TAFA2: variants seen among roughly 807,000 people sequenced by gnomAD.
TAFA2 encodes chemokine-like protein TAFA-2.
TAFA2 carries 7 observed loss-of-function variants against 18.8 expected under a neutral mutation model. The observed-to-expected ratio is 0.37, with a 90% CI of 0.21 to 0.70. The LOEUF is 0.70. Ranked by LOEUF, TAFA2 falls within the 30% of genes least tolerant of loss-of-function variation. The probability of loss-of-function intolerance (pLI) is 0.53; values close to 1 mark genes in which losing one functional copy is unlikely to be tolerated. For missense variants in TAFA2, 122 were observed against 158.1 expected, an observed-to-expected ratio of 0.77 and a Z score of 1.23; for synonymous variants, 60 against 54.2, an observed-to-expected ratio of 1.11 and a Z score of -0.47.
rs942477960 is a variant in TAFA2, at chr12:61,944,248, G to A, written c.-1-76822C>T. Among the ~76,000 whole-genome samples the A allele has an allele frequency of 2.9e-4, 44 of 150,680 alleles. No individual in the cohort carries two copies. In the South Asian group the frequency reaches 7.0e-3, roughly 24 times the overall value. Reference sequence around the variant, plus strand: ...GAAGGCAGAAATAAAGATGTTCTTTGAAACCAACGAGAACAAAGACACAAC... The same window carrying A: ...GAAGGCAGAAATAAAGATGTTCTTTAAAACCAACGAGAACAAAGACACAAC... On this transcript the variant is annotated intron_variant, in intron 1 of 4. Transcript: ENST00000416284.
At chr12:62,129,828 A>G (rs114651494) in intron 1 of TAFA2, among the ~76,000 whole-genome samples, 107 of 152,046 alleles carry the variant, frequency 7.0e-4, no homozygotes, top group African/African-American at 2.3e-3. Context: ...GGCATTACCA[A>G]ATGTCCGCTA....
intron 1 of TAFA2, among the ~76,000 whole-genome samples, chr12:62,106,387 C>T (rs1476701153): frequency 1.3e-5 from 2 of 151,742 alleles, no homozygotes; most frequent in African/African-American, 4.8e-5. Context: ...CAAAAACAAA[C>T]GAACAAACAA....
intron 1 of TAFA2, among the ~76,000 whole-genome samples, chr12:61,964,898 ATAAT>A (rs1270792074): frequency 4.0e-5 from 6 of 151,818 alleles, no homozygotes; most frequent in Admixed American, 1.3e-4. Flanking sequence ...ATGTAACTAA[ATAAT>A]TATTTATTTA....
At chr12:62,070,887 G>C (rs1882613613) in intron 1 of TAFA2, among the ~76,000 whole-genome samples, 1 of 151,962 alleles carries the variant, frequency 6.6e-6, no homozygotes, top group African/African-American at 2.4e-5. Flanking sequence ...TGTTTCAGCT[G>C]CACCAAATTT....
chr12:61,927,127 C>G (rs1197409887), intron 1 of TAFA2, among the ~76,000 whole-genome samples: 1 of 149,594 alleles, frequency 6.7e-6, no homozygotes, highest in African/African-American at 2.5e-5. Flanking sequence ...CCTCTTTCAC[C>G]ACTCCTATTC....
chr12:62,160,658 C>T (rs948669468), intron 1 of TAFA2, among the ~76,000 whole-genome samples: 1 of 152,196 alleles, frequency 6.6e-6, no homozygotes, highest in Non-Finnish European at 1.5e-5. Flanking sequence ...ACTTCCTCAA[C>T]ATGATCACCT....
chr12:62,040,365 C>G (rs1369096062), intron 1 of TAFA2, among the ~76,000 whole-genome samples: 1 of 152,068 alleles, frequency 6.6e-6, no homozygotes, highest in Non-Finnish European at 1.5e-5. Context: ...ACCTCAGAAT[C>G]TGACCTTATT....
intron 4 of TAFA2, among the ~76,000 whole-genome samples, chr12:61,732,056 G>A (rs1870475329): frequency 6.6e-6 from 1 of 152,080 alleles, no homozygotes; most frequent in Non-Finnish European, 1.5e-5. Context: ...GAAGAATTAA[G>A]TCGAGAGAAA....
chr12:61,894,127 A>G (rs189669072), intron 1 of TAFA2, among the ~76,000 whole-genome samples: 1 of 152,320 alleles, frequency 6.6e-6, no homozygotes, highest in African/African-American at 2.4e-5. Context: ...ACTGCTTTTG[A>G]ATAGTATTTA....
chr12:61,966,082 A>G (rs2136659342), intron 1 of TAFA2, among the ~76,000 whole-genome samples: 1 of 151,960 alleles, frequency 6.6e-6, no homozygotes, highest in South Asian at 2.1e-4. Context: ...GAACTGCCAT[A>G]CTATTTTCCA....
intron 1 of TAFA2, among the ~76,000 whole-genome samples, chr12:62,010,896 G>C (rs1880729690): frequency 8.6e-6 from 1 of 116,814 alleles, no homozygotes; most frequent in African/African-American, 3.3e-5. Flanking sequence ...GGGAGGTGGG[G>C]AGCGCCTCTG....
intron 2 of TAFA2, among the ~76,000 whole-genome samples, chr12:61,858,718 G>A (rs1433863066): frequency 6.6e-6 from 1 of 151,566 alleles, no homozygotes; most frequent in Non-Finnish European, 1.5e-5. Context: ...AATTGACTAA[G>A]TGTTTATCAT....
At chr12:61,901,535 C>T (rs937500442) in intron 1 of TAFA2, among the ~76,000 whole-genome samples, 1 of 151,658 alleles carries the variant, frequency 6.6e-6, no homozygotes, top group Non-Finnish European at 1.5e-5. Context: ...TCTGATGAAA[C>T]AAATATATGG....
intron 2 of TAFA2, among the ~76,000 whole-genome samples, chr12:61,839,553 T>C (rs1450270671): frequency 1.3e-5 from 2 of 152,094 alleles, no homozygotes; most frequent in Admixed American, 6.6e-5. Flanking sequence ...ATACACACGA[T>C]GGAATACTAG....
intron 4 of TAFA2, among the ~76,000 whole-genome samples, chr12:61,717,358 T>A (rs10877723): frequency 1.6e-4 from 25 of 152,004 alleles, no homozygotes; most frequent in Non-Finnish European, 2.9e-4. Context: ...GACATATGAA[T>A]CACTTTTATA....
chr12:62,042,450 T>A (rs1354920682), intron 1 of TAFA2, among the ~76,000 whole-genome samples: 1 of 146,594 alleles, frequency 6.8e-6, no homozygotes, highest in Non-Finnish European at 1.5e-5. Context: ...TGTGTGTGTG[T>A]GACATGCATA....
intron 1 of TAFA2, among the ~76,000 whole-genome samples, chr12:62,053,565 T>C (rs930724904): frequency 2.0e-5 from 3 of 152,198 alleles, no homozygotes; most frequent in African/African-American, 7.2e-5. Flanking sequence ...ATACGTATTG[T>C]TTACTAAAAA....
chr12:61,832,048 G>A (rs1872739802), intron 2 of TAFA2, among the ~76,000 whole-genome samples: 1 of 152,002 alleles, frequency 6.6e-6, no homozygotes, highest in Non-Finnish European at 1.5e-5. Context: ...TGGTAGCAAT[G>A]AAATCTTCCT....
At chr12:62,189,311 T>C (rs2062606704) in intron 1 of TAFA2, among the ~76,000 whole-genome samples, 1 of 152,202 alleles carries the variant, frequency 6.6e-6, no homozygotes, top group Non-Finnish European at 1.5e-5. Flanking sequence ...TTTTAGTATC[T>C]ATAAATAATA....
Sources: allele counts gnomAD v4.1 joint callset (sites outside exome capture counted in the v4.1 genomes callset), GRCh38; gene constraint gnomAD v4.1.1; transcripts MANE v1.5; gene names NCBI Gene and HGNC (gene_info 2026-07-23, HGNC 2026-07-21).